The following WASF3 variants were observed in gnomAD, a reference collection of about 807,000 sequenced individuals.
The protein encoded by WASF3 is actin-binding protein WASF3.
In WASF3, 11 loss-of-function variants were observed where a neutral mutation model predicts 46.6. The observed-to-expected ratio is 0.24, with a 90% confidence interval of 0.15 to 0.39. WASF3 has a LOEUF of 0.39. Among genes scored for constraint, WASF3 ranks in the 10% least tolerant of loss-of-function variants. The pLI is 1.00. For missense variants in WASF3, 576 were observed against 669.8 expected, an observed-to-expected ratio of 0.86 and a Z score of 1.55; for synonymous variants, 242 against 259.7, an observed-to-expected ratio of 0.93 and a Z score of 0.65.
intron 2 of WASF3, among the ~76,000 whole-genome samples, chr13:26,622,347 C>G (rs967478764): frequency 6.6e-6 from 1 of 152,156 alleles, no homozygotes; most frequent in Admixed American, 6.5e-5. Flanking sequence ...CCTCTACCTA[C>G]CAGTAATATC....
intron 1 of WASF3, among the ~76,000 whole-genome samples, chr13:26,607,906 G>A (rs1039216570): frequency 6.6e-6 from 1 of 152,120 alleles, no homozygotes; most frequent in Non-Finnish European, 1.5e-5. Context: ...AAAATGCTGG[G>A]ATTACAGGCA....
intron 1 of WASF3, among the ~76,000 whole-genome samples, chr13:26,585,205 A>G (rs1213918837): frequency 6.6e-6 from 1 of 152,166 alleles, no homozygotes; most frequent in Non-Finnish European, 1.5e-5. Flanking sequence ...GAGAAATACC[A>G]GCTATGGATA....
Position 26,674,040 on chromosome 13 carries a change from T to C in WASF3, c.540+2051T>C, listed in dbSNP as rs114051483. Reference sequence around the variant, plus strand: ...GGCTTCTAGGTAGCAGTGTCTAAGATCATCCTGGGGGAGGAACCAGTTTGG... The same window carrying C: ...GGCTTCTAGGTAGCAGTGTCTAAGACCATCCTGGGGGAGGAACCAGTTTGG... On this transcript the variant is annotated intron_variant, in intron 6 of 9. Coordinates refer to ENST00000335327, the MANE Select transcript of WASF3 (RefSeq NM_006646.6). Among the ~76,000 whole-genome samples, 893 of 152,266 alleles carry C rather than the reference T, an allele frequency of 5.9e-3. 10 individuals carry two copies. Among genetic ancestry groups the C allele is most frequent in the African/African-American group, 0.02 (850 of 41,566 alleles).
chr13:26,635,944 C>A (rs1400783371), intron 2 of WASF3, among the ~76,000 whole-genome samples: 1 of 152,244 alleles, frequency 6.6e-6, no homozygotes, highest in Non-Finnish European at 1.5e-5. Flanking sequence ...GGAGGTGTCT[C>A]CCAGTTAGGC....
chr13:26,642,136 C>A, intron 2 of WASF3, 125 bp from the exon 3 acceptor site: 1 of 1,052,232 alleles, frequency 9.5e-7, no homozygotes, highest in South Asian at 2.0e-5. Context: ...TTAGCTGATT[C>A]TGTCACATAG....
At chr13:26,642,629 A>G (rs894079442) in intron 3 of WASF3, among the ~76,000 whole-genome samples, 2 of 152,256 alleles carry the variant, frequency 1.3e-5, no homozygotes, top group Non-Finnish European at 2.9e-5. Flanking sequence ...AAATTATTAG[A>G]TGAGATCAAA....
In WASF3 at chr13:26,681,189, T is replaced by C. The variant is rs932747209; in HGVS notation, c.852T>C (p.His284=). The C allele has an allele frequency of 2.5e-6, 4 of 1,614,016 alleles. No individual in the cohort carries two copies. The East Asian group carries it at 6.7e-5, about 27-fold the overall frequency. ...PHGPASQAAE[H]EYRPPSASAR... Reference sequence around the variant, plus strand: ...GGCCTGCAAGCCAGGCTGCGGAGCATGAGTACCGGCCCCCATCTGCCTCGG... The same window carrying C: ...GGCCTGCAAGCCAGGCTGCGGAGCACGAGTACCGGCCCCCATCTGCCTCGG... The change falls in exon 8 of 10, where the codon CAT becomes CAC. Residue 284 remains histidine (H), a synonymous_variant. Transcript: ENST00000335327.
At chr13:26,569,769 A>G (rs1243053263) in intron 1 of WASF3, among the ~76,000 whole-genome samples, 1 of 152,214 alleles carries the variant, frequency 6.6e-6, no homozygotes, top group East Asian at 1.9e-4. Context: ...TACTAGTTTT[A>G]TTGAAAAGAT....
intron 3 of WASF3, among the ~76,000 whole-genome samples, chr13:26,661,190 C>T (rs866142267): frequency 6.6e-6 from 1 of 152,298 alleles, no homozygotes; most frequent in South Asian, 2.1e-4. Flanking sequence ...TAATGTTAAC[C>T]ACTGTGTACA....
the WASF3 span, among the ~76,000 whole-genome samples, chr13:26,545,857 G>A: frequency 6.6e-6 from 1 of 152,266 alleles, no homozygotes; most frequent in African/African-American, 2.4e-5. Context: ...TCCTGCCTTG[G>A]CCTCCCAAAG....
intron 1 of WASF3, among the ~76,000 whole-genome samples, chr13:26,584,475 A>G (rs999380180): frequency 6.6e-6 from 1 of 152,210 alleles, no homozygotes; most frequent in Admixed American, 6.5e-5. Context: ...GGTCTCTGTT[A>G]ATCTGTATTG....
At chr13:26,549,302 G>T in the WASF3 span, among the ~76,000 whole-genome samples, 1 of 151,866 alleles carries the variant, frequency 6.6e-6, no homozygotes, top group Admixed American at 6.6e-5. Flanking sequence ...TTTTTTTCTT[G>T]ACTCATGAGT....
chr13:26,553,973 C>T (rs1374517853), upstream of WASF3, among the ~76,000 whole-genome samples: 1 of 151,832 alleles, frequency 6.6e-6, no homozygotes, highest in Non-Finnish European at 1.5e-5. Flanking sequence ...AGGAAAACCT[C>T]CCCAAAACTT....
chr13:26,603,334 C>T (rs775325995), intron 1 of WASF3, among the ~76,000 whole-genome samples: 2 of 152,066 alleles, frequency 1.3e-5, no homozygotes, highest in Non-Finnish European at 2.9e-5. Flanking sequence ...GTTCCAGCAC[C>T]TGAACAGGAA....
chr13:26,572,259 G>T (rs536787812), intron 1 of WASF3, among the ~76,000 whole-genome samples: 176 of 152,266 alleles, frequency 1.2e-3, no homozygotes, highest in Non-Finnish European at 2.0e-3. Context: ...TTCGTATCTG[G>T]TTCCTGACCT....
chr13:26,547,214 T>C, the WASF3 span, among the ~76,000 whole-genome samples: 1 of 152,202 alleles, frequency 6.6e-6, no homozygotes, highest in Non-Finnish European at 1.5e-5. Context: ...CCACATTTGT[T>C]CTTTGTTTGA....
At chr13:26,683,202 G>T (rs575836685) in intron 9 of WASF3, among the ~76,000 whole-genome samples, 3 of 152,242 alleles carry the variant, frequency 2.0e-5, no homozygotes, top group African/African-American at 7.2e-5. Context: ...CGGGCGCGGT[G>T]GGCTCATGCC....
chr13:26,650,789 G>A (rs1463628144), intron 3 of WASF3, among the ~76,000 whole-genome samples: 8 of 152,290 alleles, frequency 5.3e-5, no homozygotes, highest in East Asian at 1.9e-4. Context: ...GAAGTGATTG[G>A]TGAACTTGGA....
At chr13:26,656,052 AT>A (rs1882456172) in intron 3 of WASF3, among the ~76,000 whole-genome samples, 1 of 152,176 alleles carries the variant, frequency 6.6e-6, no homozygotes, top group African/African-American at 2.4e-5. Context: ...GTGTGCTAAA[AT>A]TTATGAAAGC....
Sources: allele counts gnomAD v4.1 joint callset (sites outside exome capture counted in the v4.1 genomes callset), GRCh38; gene constraint gnomAD v4.1.1; transcripts MANE v1.5; gene names NCBI Gene and HGNC (gene_info 2026-07-23, HGNC 2026-07-21).